The following CNKSR2 variants were observed in gnomAD, a reference collection of about 807,000 sequenced individuals.
CNKSR2 encodes the protein connector enhancer of kinase suppressor of Ras 2.
CNKSR2 carries 14 observed loss-of-function variants against 84.4 expected under a neutral mutation model. That is an observed-to-expected ratio of 0.17 (90% CI 0.11 to 0.26). CNKSR2 has a LOEUF of 0.26. CNKSR2 is among the 10% of genes least tolerant of loss of function. The pLI is 1.00. For missense variants in CNKSR2, 485 were observed against 771.2 expected (o/e 0.63, Z 4.40); for synonymous variants, 275 against 277.9 (o/e 0.99, Z 0.10).
At chrX:21,516,381 C>T in intron 8 of CNKSR2, 104 bp from the exon 9 acceptor site, 1 of 853,888 alleles carries the variant, frequency 1.2e-6, no homozygotes, top group Non-Finnish European at 1.6e-6. Context: ...GATGGTACAC[C>T]AATTATGTGA....
At chrX:21,431,494 G>A (rs1569164354) in intron 2 of CNKSR2, among the ~76,000 whole-genome samples, 1 of 111,238 alleles carries the variant, frequency 9.0e-6, no homozygotes, top group Non-Finnish European at 1.9e-5. Flanking sequence ...ACTGTGAAAA[G>A]GTAAGTCAAA....
intron 4 of CNKSR2, among the ~76,000 whole-genome samples, chrX:21,453,136 A>G (rs990845053): frequency 9.0e-6 from 1 of 111,496 alleles, no homozygotes; most frequent in Non-Finnish European, 1.9e-5. Flanking sequence ...TGTAAGAAGC[A>G]GACATGGACC....
chrX:21,598,758 C>G (rs1395097853), intron 17 of CNKSR2, among the ~76,000 whole-genome samples: 3 of 112,388 alleles, frequency 2.7e-5, no homozygotes, highest in Non-Finnish European at 1.9e-5. Context: ...TAGTGTTTAT[C>G]TCCGTCACTA....
intron 1 of CNKSR2, among the ~76,000 whole-genome samples, chrX:21,400,802 A>T (rs1181522452): frequency 9.0e-6 from 1 of 111,728 alleles, no homozygotes; most frequent in Non-Finnish European, 1.9e-5. Context: ...AAATCAAAAT[A>T]TATAGAGAAA....
intron 5 of CNKSR2, among the ~76,000 whole-genome samples, chrX:21,484,881 T>C (rs1441976749): frequency 1.8e-5 from 2 of 112,012 alleles, no homozygotes; most frequent in Non-Finnish European, 3.8e-5. Flanking sequence ...TCTGCATTTC[T>C]TTTTTAAAAA....
intron 7 of CNKSR2, 83 bp from the exon 8 acceptor site, chrX:21,501,437 A>T (rs373193745): frequency 4.0e-6 from 2 of 493,837 alleles, no homozygotes; most frequent in Non-Finnish European, 3.2e-6. Context: ...ATTTATGGAG[A>T]TGAACTTTTT....
At chrX:21,387,821 A>G (rs1036586503) in intron 1 of CNKSR2, among the ~76,000 whole-genome samples, 1 of 111,951 alleles carries the variant, frequency 8.9e-6, no homozygotes, top group African/African-American at 3.2e-5. Context: ...AAAAAGAAAA[A>G]CACATAATAA....
intron 1 of CNKSR2, among the ~76,000 whole-genome samples, chrX:21,388,107 G>A (rs1241348054): frequency 1.8e-5 from 2 of 111,022 alleles, no homozygotes; most frequent in African/African-American, 6.6e-5. Flanking sequence ...CACTGTGTTA[G>A]CCAGGATGGT....
intron 17 of CNKSR2, among the ~76,000 whole-genome samples, chrX:21,598,659 T>TTTGGCTGCTAA (rs2092463610): frequency 8.9e-6 from 1 of 112,370 alleles, no homozygotes; most frequent in Admixed American, 9.4e-5. Flanking sequence ...CCGCAGCATC[T>TTTGGCTGCTAA]TTGGCATTCT....
intron 5 of CNKSR2, 72 bp from the exon 6 acceptor site, chrX:21,490,387 A>G: frequency 9.9e-7 from 1 of 1,012,776 alleles, no homozygotes; most frequent in Non-Finnish European, 1.3e-6. Context: ...TGAAAACGTT[A>G]TTACAAAAGG....
At chrX:21,442,027 T>G (rs1030624933) in intron 4 of CNKSR2, among the ~76,000 whole-genome samples, 8 of 111,372 alleles carry the variant, frequency 7.2e-5, no homozygotes, top group East Asian at 2.8e-4. Flanking sequence ...AAGTGCTTCT[T>G]GATATTGGCC....
chrX:21,452,375 A>G (rs1167538105), intron 4 of CNKSR2, among the ~76,000 whole-genome samples: 6 of 111,803 alleles, frequency 5.4e-5, no homozygotes, highest in African/African-American at 1.9e-4. Context: ...TACAGGCATG[A>G]GCCACCATGC....
At position 21,450,569 on chromosome X, in the gene CNKSR2, A is replaced by C. The variant is rs1374123725; in HGVS notation, c.519+9788A>C. 3.6e-5 allele frequency among the ~76,000 whole-genome samples: 4 copies of C among 112,051 alleles called. No homozygotes were observed. In the East Asian group the frequency reaches 1.1e-3, roughly 32 times the overall value. On this transcript the variant is annotated intron_variant, in intron 4 of 21. Transcript: ENST00000379510. ...TATACCATACCATCTCTATTTTATG[A>C]CAGCCAAGTGAATAATCTTGAATTA...
intron 1 of CNKSR2, among the ~76,000 whole-genome samples, chrX:21,377,533 A>G (rs951934182): frequency 2.7e-5 from 3 of 112,093 alleles, no homozygotes; most frequent in African/African-American, 9.7e-5. Context: ...GAACAACTGC[A>G]ATGTGGGAGT....
intron 1 of CNKSR2, among the ~76,000 whole-genome samples, chrX:21,395,394 G>A (rs1569144162): frequency 9.0e-6 from 1 of 111,300 alleles, no homozygotes; most frequent in Non-Finnish European, 1.9e-5. Flanking sequence ...TTTTGATATT[G>A]ACATGTTTCT....
chrX:21,619,057 A>G (rs140125364), intron 20 of CNKSR2, among the ~76,000 whole-genome samples: 143 of 112,083 alleles, frequency 1.3e-3, no homozygotes, highest in African/African-American at 4.4e-3. Flanking sequence ...TTTTATTTTT[A>G]TGTTAATTAC....
At chrX:21,573,637 T>C (rs1430443087) in intron 13 of CNKSR2, among the ~76,000 whole-genome samples, 1 of 111,819 alleles carries the variant, frequency 8.9e-6, no homozygotes, top group Non-Finnish European at 1.9e-5. Flanking sequence ...GCCCAACCTA[T>C]ACCTTGGCCC....
chrX:21,631,102 G>C (rs1361311958), intron 20 of CNKSR2, among the ~76,000 whole-genome samples: 2 of 110,791 alleles, frequency 1.8e-5, no homozygotes, highest in African/African-American at 6.6e-5. Context: ...CAGGAGGATT[G>C]CTTGAGCCCA....
At chrX:21,458,164 A>G in intron 4 of CNKSR2, among the ~76,000 whole-genome samples, 1 of 112,340 alleles carries the variant, frequency 8.9e-6, no homozygotes, top group Non-Finnish European at 1.9e-5. Context: ...TGCATCTAAC[A>G]CCACAGTAAC....
Sources: gnomAD v4.1 joint callset for allele counts (sites outside exome capture counted in the v4.1 genomes callset) on GRCh38, gnomAD v4.1.1 for gene constraint, MANE v1.5 for transcripts, NCBI Gene and HGNC (gene_info 2026-07-23, HGNC 2026-07-21) for gene names.